HERC4: variants seen among roughly 807,000 people sequenced by gnomAD.
HERC4 encodes the protein probable E3 ubiquitin-protein ligase HERC4.
HERC4 carries 28 observed loss-of-function variants against 124.3 expected under a neutral mutation model. The ratio of observed to expected loss-of-function variants is 0.23; its 90% CI spans 0.17 to 0.31. HERC4 has a LOEUF of 0.31. Ranked by LOEUF, HERC4 falls within the 10% of genes least tolerant of loss-of-function variation. The probability of loss-of-function intolerance (pLI) is 1.00; values close to 1 mark genes in which losing one functional copy is unlikely to be tolerated. For missense variants in HERC4, 713 were observed against 1,229.3 expected, an observed-to-expected ratio of 0.58 and a Z score of 6.28; for synonymous variants, 407 against 421.5, an observed-to-expected ratio of 0.97 and a Z score of 0.42.
At chr10:67,953,947 G>A (rs2033977404) in intron 19 of HERC4, among the ~76,000 whole-genome samples, 1 of 152,146 alleles carries the variant, frequency 6.6e-6, no homozygotes, top group South Asian at 2.1e-4. Flanking sequence ...ATATTACATT[G>A]AGGTTTTTAC....
intron 4 of HERC4, chr10:68,039,545 T>C: frequency 6.5e-7 from 1 of 1,544,244 alleles, no homozygotes; most frequent in East Asian, 2.4e-5. Flanking sequence ...TTCCATATTA[T>C]TGTATTAAAA....
chr10:68,025,825 C>A, intron 7 of HERC4, 149 bp from the exon 8 acceptor site: 1 of 654,894 alleles, frequency 1.5e-6, no homozygotes, highest in Non-Finnish European at 2.4e-6. Flanking sequence ...ATGGCTCTTT[C>A]AAAGTAAAAT....
intron 15 of HERC4, among the ~76,000 whole-genome samples, chr10:67,978,874 G>C (rs921606656): frequency 2.0e-5 from 3 of 152,188 alleles, no homozygotes; most frequent in Non-Finnish European, 2.9e-5. Context: ...AGACCATCAA[G>C]GCAGTACCTT....
At chr10:67,947,882 G>A (rs1254706044) in intron 19 of HERC4, among the ~76,000 whole-genome samples, 2 of 145,624 alleles carry the variant, frequency 1.4e-5, no homozygotes, top group Non-Finnish European at 3.0e-5. Context: ...GCAGAGACGG[G>A]GTTTCACCAT....
chr10:68,027,475 G>A (rs188432758), intron 7 of HERC4, among the ~76,000 whole-genome samples: 72 of 152,220 alleles, frequency 4.7e-4, no homozygotes, highest in South Asian at 1.2e-3. Context: ...ATCTGTAACC[G>A]ACAAAAGTAT....
chr10:67,936,253 T>TA lies in HERC4; in HGVS notation c.2572-19dup. 1 of 1,486,266 alleles carries TA rather than the reference T, an allele frequency of 6.7e-7. No individual in the cohort carries two copies. The highest frequency in any genetic ancestry group is 9.2e-7 in the Non-Finnish European group (1 of 1,087,744). The allele number at this position is 1,486,266 out of a possible 1,614,324, so 92.1% of individuals were successfully genotyped here. On this transcript the variant is annotated intron_variant, in intron 21 of 24. Coordinates refer to ENST00000373700, the MANE Select transcript of HERC4 (RefSeq NM_015601.4). The stretch of plus-strand genomic sequence containing the variant: ...ACTGTGATCTATTAATTTAAATTTT[T>TA]AAAAAAAGTCAATGTCAGACTCAAA...
chr10:67,931,613 C>T (rs527299012), intron 23 of HERC4, among the ~76,000 whole-genome samples: 14 of 151,810 alleles, frequency 9.2e-5, no homozygotes, highest in South Asian at 2.1e-4. Context: ...TTAGTAGAGA[C>T]GAGGTTTCAC....
intron 3 of HERC4, among the ~76,000 whole-genome samples, chr10:68,063,602 TCTCA>T: frequency 6.6e-6 from 1 of 152,332 alleles, no homozygotes; most frequent in African/African-American, 2.4e-5. Context: ...TAAATTCAGT[TCTCA>T]CTCCTTAAAA....
Position 68,051,565 on chromosome 10 carries a change from T to C in HERC4, c.227-7002A>G, listed in dbSNP as rs374296396. The stretch of plus-strand genomic sequence containing the variant: ...TAGTAGAGACAGAGTTTCACCATGT[T>C]AGCCAGGATGGTCTTAATCTCCTGA... On this transcript the variant is annotated intron_variant, in intron 3 of 24. Coordinates refer to ENST00000373700, the MANE Select transcript of HERC4 (RefSeq NM_015601.4). Among the ~76,000 whole-genome samples, 20 of 151,930 alleles carry C rather than the reference T, an allele frequency of 1.3e-4. No homozygotes were observed. In the East Asian group the frequency reaches 3.5e-3, roughly 26 times the overall value.
chr10:68,039,454 C>T (rs1303816803), intron 4 of HERC4: 1 of 1,550,674 alleles, frequency 6.4e-7, no homozygotes, highest in African/African-American at 1.4e-5. Flanking sequence ...CAAATTCTGA[C>T]CAGAGAGTCG....
At chr10:67,936,550 G>A (rs1374778870) in intron 21 of HERC4, among the ~76,000 whole-genome samples, 2 of 152,118 alleles carry the variant, frequency 1.3e-5, no homozygotes, top group Admixed American at 6.5e-5. Flanking sequence ...TTCCTTAGAC[G>A]AGTGATAAAA....
chr10:68,041,259 T>C (rs944122199), intron 4 of HERC4, among the ~76,000 whole-genome samples: 7 of 152,128 alleles, frequency 4.6e-5, no homozygotes, highest in African/African-American at 1.7e-4. Context: ...AAGCCACAAC[T>C]TTCCTAGTAA....
intron 3 of HERC4, among the ~76,000 whole-genome samples, chr10:68,055,023 A>G (rs1247780839): frequency 6.6e-6 from 1 of 152,174 alleles, no homozygotes; most frequent in East Asian, 1.9e-4. Flanking sequence ...CCTGGGCTCA[A>G]GCGATTCTCC....
chr10:68,059,723 TATTATATATCATAATATTA>T (rs1357351963), intron 3 of HERC4, among the ~76,000 whole-genome samples: 8 of 69,716 alleles, frequency 1.1e-4, no homozygotes, highest in African/African-American at 7.4e-4. Context: ...TAATATTATA[TATTATATATCATAATATTA>T]TATATTATAA....
intron 15 of HERC4, among the ~76,000 whole-genome samples, chr10:67,981,808 G>C (rs907508274): frequency 6.6e-6 from 1 of 152,036 alleles, no homozygotes; most frequent in Non-Finnish European, 1.5e-5. Flanking sequence ...AAAATAGCCT[G>C]GAGTGGCCTG....
At chr10:67,982,617 A>C (rs1175852296) in intron 15 of HERC4, among the ~76,000 whole-genome samples, 5 of 152,218 alleles carry the variant, frequency 3.3e-5, no homozygotes, top group Admixed American at 1.3e-4. Flanking sequence ...AAAAGTGGAC[A>C]AACGGGATTA....
chr10:67,925,658 G>A (rs980247867), intron 23 of HERC4, among the ~76,000 whole-genome samples: 8 of 152,000 alleles, frequency 5.3e-5, no homozygotes, highest in East Asian at 3.9e-4. Context: ...ATTCATGCCC[G>A]TGTGTATAAG....
chr10:67,954,336 T>C (rs2034002900), intron 19 of HERC4: 2 of 293,086 alleles, frequency 6.8e-6, no homozygotes, highest in African/African-American at 2.2e-5. Context: ...CAAATTGAAA[T>C]CAGCAGAAGG....
chr10:67,951,551 T>C (rs61330513), intron 19 of HERC4, among the ~76,000 whole-genome samples: 8,155 of 152,242 alleles, frequency 0.054, 738 homozygotes, highest in African/African-American at 0.19. Context: ...ACTGCTTGTA[T>C]CCTAAACTCC....
Sources: allele counts gnomAD v4.1 joint callset (sites outside exome capture counted in the v4.1 genomes callset), GRCh38; gene constraint gnomAD v4.1.1; transcripts MANE v1.5; gene names NCBI Gene and HGNC (gene_info 2026-07-23, HGNC 2026-07-21).